The following PXDNL variants were observed in gnomAD, a reference collection of about 807,000 sequenced individuals.
The protein encoded by PXDNL is peroxidasin like, also known as probable oxidoreductase PXDNL.
A neutral mutation model predicts 150.8 loss-of-function variants in PXDNL; 145 were observed. That is an observed-to-expected ratio of 0.96 (90% confidence interval 0.84 to 1.10). The LOEUF is 1.10. PXDNL is among the 50% of genes least tolerant of loss of function. The pLI, the probability that PXDNL is intolerant of heterozygous loss-of-function variation, is 0.00. For synonymous variants in PXDNL, 757 were observed against 725.7 expected (o/e 1.04, Z -0.69); for missense variants, 2,087 against 1,873.9 (o/e 1.11, Z -2.10).
intron 21 of PXDNL, among the ~76,000 whole-genome samples, chr8:51,333,007 A>G (rs776507698): frequency 1.3e-5 from 2 of 152,198 alleles, no homozygotes; most frequent in Non-Finnish European, 2.9e-5. Flanking sequence ...AATTCATTGC[A>G]AAAAGATCTT....
intron 2 of PXDNL, among the ~76,000 whole-genome samples, chr8:51,634,905 GAATCATATT>G (rs56791818): frequency 0.072 from 11,015 of 152,016 alleles, 1,309 homozygotes; most frequent in African/African-American, 0.25. Context: ...TGTAGGTACA[GAATCATATT>G]GTCAGTGAAG....
Position 51,447,120 on chromosome 8 carries a change from G to C in PXDNL, c.1409C>G (p.Ser470Cys). 1.2e-6 allele frequency: 2 copies of C among 1,613,984 alleles called. No individual in the cohort carries two copies. Among genetic ancestry groups the C allele is most frequent in the Non-Finnish European group, 1.7e-6 (2 of 1,179,894 alleles). ...TGCACGGTCAATTCTCAAAGTGCCA[G>C]AGGAGAGAACTGTATGCTGGCCTTC... ...PVEGQHTVLS[S>C]GTLRIDRAAQ... The change falls in exon 12 of 23, where the codon TCT becomes TGT. Residue 470 changes from serine (S) to cysteine (C), a missense_variant. Physicochemically the swap from Ser to Cys is moderately radical, Grantham distance 112. Coordinates refer to ENST00000356297, the MANE Select transcript of PXDNL (RefSeq NM_144651.5).
intron 1 of PXDNL, among the ~76,000 whole-genome samples, chr8:51,674,635 GC>G (rs1259985441): frequency 6.6e-6 from 1 of 152,204 alleles, no homozygotes; most frequent in Non-Finnish European, 1.5e-5. Context: ...CATTGGTGTG[GC>G]TATTGGGGCA....
chr8:51,355,532 G>C (rs1442496422), intron 19 of PXDNL, among the ~76,000 whole-genome samples: 1 of 152,258 alleles, frequency 6.6e-6, no homozygotes, highest in Admixed American at 6.5e-5. Flanking sequence ...GTCTTAGTAC[G>C]TCACTTATCT....
chr8:51,805,989 T>C (rs1414112313), intron 1 of PXDNL, among the ~76,000 whole-genome samples: 2 of 152,212 alleles, frequency 1.3e-5, no homozygotes, highest in African/African-American at 4.8e-5. Context: ...TCTGAAAGAT[T>C]TGTTTTACTA....
chr8:51,339,794 A>T (rs1805936799), intron 20 of PXDNL, 41 bp from the exon 21 acceptor site: 2 of 1,572,450 alleles, frequency 1.3e-6, no homozygotes, highest in Non-Finnish European at 1.7e-6. Flanking sequence ...GAAAAATAAA[A>T]GTCGTGTGAG....
intron 17 of PXDNL, among the ~76,000 whole-genome samples, chr8:51,391,486 T>G (rs540319345): frequency 6.6e-6 from 1 of 152,380 alleles, no homozygotes; most frequent in East Asian, 1.9e-4. Context: ...ATTTCTCTGA[T>G]GGCAAGTGAT....
At chr8:51,687,303 A>T (rs1815897786) in intron 1 of PXDNL, among the ~76,000 whole-genome samples, 1 of 152,222 alleles carries the variant, frequency 6.6e-6, no homozygotes, top group Admixed American at 6.5e-5. Flanking sequence ...TCAATATGTC[A>T]GATGCTTTAG....
At chr8:51,483,364 C>G (rs1338342680) in intron 6 of PXDNL, among the ~76,000 whole-genome samples, 1 of 152,082 alleles carries the variant, frequency 6.6e-6, no homozygotes, top group African/African-American at 2.4e-5. Context: ...GTCTTGGGAG[C>G]CTTTAGATTT....
At chr8:51,488,283 A>T (rs1224997558) in intron 5 of PXDNL, among the ~76,000 whole-genome samples, 1 of 152,214 alleles carries the variant, frequency 6.6e-6, no homozygotes, top group Admixed American at 6.5e-5. Flanking sequence ...ATAGGAGAGA[A>T]AGCTGCAGCC....
intron 1 of PXDNL, among the ~76,000 whole-genome samples, chr8:51,704,300 G>A (rs1816318445): frequency 6.6e-6 from 1 of 152,188 alleles, no homozygotes; most frequent in Admixed American, 6.5e-5. Context: ...TCATTTATGT[G>A]GATGTGTGTA....
intron 17 of PXDNL, among the ~76,000 whole-genome samples, chr8:51,399,833 A>G (rs948107816): frequency 3.9e-5 from 6 of 152,242 alleles, no homozygotes; most frequent in African/African-American, 1.4e-4. Flanking sequence ...CTCTGGTGGT[A>G]AAATAGAATT....
In PXDNL at chr8:51,719,640, A is replaced by C. The variant is rs939963657; in HGVS notation, c.165-64880T>G. Among the ~76,000 whole-genome samples, 6 of 137,678 alleles carry C rather than the reference A, an allele frequency of 4.4e-5. No individual in the cohort carries two copies. The East Asian group carries it at 1.2e-3, about 28-fold the overall frequency. 90.3% of individuals were successfully genotyped at this position (137,678 alleles called of 152,430 possible). A position where few individuals can be genotyped will look rare whatever the true frequency, so the allele number is the denominator to read the frequency against. ...AGAAACACCCAAGAATGATCAATTT[A>C]AAAAAAAAAAAAAAACTATTTCTAC... is the stretch of plus-strand genomic sequence containing the variant. On this transcript the variant is annotated intron_variant, in intron 1 of 22. Coordinates refer to ENST00000356297, the MANE Select transcript of PXDNL (RefSeq NM_144651.5).
At chr8:51,353,144 G>A (rs1806403444) in intron 19 of PXDNL, among the ~76,000 whole-genome samples, 1 of 150,190 alleles carries the variant, frequency 6.7e-6, no homozygotes, top group Non-Finnish European at 1.5e-5. Context: ...TTATGTTATT[G>A]TGTATATTAC....
At chr8:51,711,447 T>G (rs1008515161) in intron 1 of PXDNL, among the ~76,000 whole-genome samples, 2 of 152,334 alleles carry the variant, frequency 1.3e-5, no homozygotes, top group Admixed American at 6.5e-5. Flanking sequence ...CGAAATTATC[T>G]CTTGAACATA....
chr8:51,488,202 T>G (rs67741283), intron 5 of PXDNL, among the ~76,000 whole-genome samples: 36,366 of 152,026 alleles, frequency 0.24, 5,309 homozygotes, highest in African/African-American at 0.41. Context: ...AATGTGGAAG[T>G]TCACCAACAG....
chr8:51,453,740 A>G lies in PXDNL; in HGVS notation c.1028T>C (p.Ile343Thr), dbSNP rs7833909. ...ACATTCCAAAGTTGTGCTGGTGCCAATTAAAACCTCTGTGTCCTGAGGCTG... is the reference window on the plus strand; with the variant it reads ...ACATTCCAAAGTTGTGCTGGTGCCAGTTAAAACCTCTGTGTCCTGAGGCTG... ...VIQPQDTEVL[I>T]GTSTTLECMA... The change falls in exon 10 of 23, where the codon ATT becomes ACT. Residue 343 changes from isoleucine to threonine, a missense_variant. Physicochemically the swap from Ile to Thr is moderately conservative, Grantham distance 89. Coordinates refer to ENST00000356297, the MANE Select transcript of PXDNL (RefSeq NM_144651.5). The G allele has an allele frequency of 0.14, 218,960 of 1,613,528 alleles. 15,896 individuals carry two copies. The highest frequency in any genetic ancestry group is 0.23 in the African/African-American group (17,225 of 74,940).
chr8:51,701,935 TCC>T (rs1816266701), intron 1 of PXDNL, among the ~76,000 whole-genome samples: 1 of 152,178 alleles, frequency 6.6e-6, no homozygotes, highest in Admixed American at 6.5e-5. Flanking sequence ...ATTTTTAAAC[TCC>T]TGAAGCCTGA....
chr8:51,378,556 C>T (rs763237738), intron 17 of PXDNL, among the ~76,000 whole-genome samples: 8 of 152,198 alleles, frequency 5.3e-5, no homozygotes, highest in African/African-American at 7.2e-5. Context: ...AGTGGCAATC[C>T]TCTGGGGTAC....
Sources: gnomAD v4.1 joint callset for allele counts (sites outside exome capture counted in the v4.1 genomes callset) on GRCh38, gnomAD v4.1.1 for gene constraint, MANE v1.5 for transcripts, NCBI Gene and HGNC (gene_info 2026-07-23, HGNC 2026-07-21) for gene names.